Variants in NRG1 observed in about 807,000 individuals in gnomAD.
The protein encoded by NRG1 is pro-neuregulin-1, membrane-bound isoform.
NRG1 carries 18 observed loss-of-function variants against 63.8 expected under a neutral mutation model. That is an observed-to-expected ratio of 0.28 (90% CI 0.19 to 0.42). NRG1 has a LOEUF of 0.42. Among genes scored for constraint, NRG1 ranks in the 10% least tolerant of loss-of-function variants. NRG1 has a pLI of 1.00. For missense variants in NRG1, 762 were observed against 814.7 expected, an observed-to-expected ratio of 0.94 and a Z score of 0.79; for synonymous variants, 302 against 301.3, an observed-to-expected ratio of 1.00 and a Z score of -0.02.
chr8:32,087,271 T>G (rs1828366025), intron 1 of NRG1, among the ~76,000 whole-genome samples: 1 of 152,002 alleles, frequency 6.6e-6, no homozygotes, highest in South Asian at 2.1e-4. Context: ...AAGTTTTTGC[T>G]CTGAGTTCAT....
intron 1 of NRG1, among the ~76,000 whole-genome samples, chr8:31,808,608 G>T (rs1352838364): frequency 6.6e-6 from 1 of 151,676 alleles, no homozygotes; most frequent in Non-Finnish European, 1.5e-5. Context: ...TACAAAATTT[G>T]CTTCTTTTTA....
At chr8:31,753,090 A>G (rs1390396044) in intron 1 of NRG1, among the ~76,000 whole-genome samples, 1 of 152,080 alleles carries the variant, frequency 6.6e-6, no homozygotes, top group East Asian at 1.9e-4. Flanking sequence ...CTAGAAGATC[A>G]GGAAGATCCC....
chr8:31,703,541 T>G (rs1810835552), intron 1 of NRG1, among the ~76,000 whole-genome samples: 1 of 152,204 alleles, frequency 6.6e-6, no homozygotes, highest in South Asian at 2.1e-4. Flanking sequence ...TTCAAACAAT[T>G]TATTGGACAA....
intron 6 of NRG1, among the ~76,000 whole-genome samples, chr8:32,738,249 T>A (rs776339157): frequency 6.6e-6 from 1 of 151,986 alleles, no homozygotes. Flanking sequence ...AAGTGGGTGA[T>A]GGGGAGGTGG....
chr8:32,552,493 T>C (rs1344582638), intron 1 of NRG1, among the ~76,000 whole-genome samples: 6 of 152,094 alleles, frequency 3.9e-5, no homozygotes, highest in Admixed American at 3.9e-4. Context: ...AGGCTGTGTG[T>C]TTCCCCAATG....
intron 1 of NRG1, among the ~76,000 whole-genome samples, chr8:31,759,513 T>C (rs1006329297): frequency 6.6e-6 from 1 of 152,114 alleles, no homozygotes; most frequent in Admixed American, 6.6e-5. Context: ...TTAATTGCAC[T>C]GGTGCCTTTT....
intron 1 of NRG1, among the ~76,000 whole-genome samples, chr8:31,797,327 T>C (rs1201553123): frequency 2.0e-5 from 3 of 152,236 alleles, no homozygotes; most frequent in Non-Finnish European, 4.4e-5. Flanking sequence ...TGTGGATTTT[T>C]TTCTCTTGTT....
intron 1 of NRG1, among the ~76,000 whole-genome samples, chr8:32,550,437 C>T (rs1220224805): frequency 6.6e-6 from 1 of 152,104 alleles, no homozygotes; most frequent in Non-Finnish European, 1.5e-5. Context: ...TTTGGGGGCT[C>T]TTATCACTGT....
chr8:31,959,213 G>A (rs1051056090), intron 1 of NRG1, among the ~76,000 whole-genome samples: 2 of 152,146 alleles, frequency 1.3e-5, no homozygotes, highest in African/African-American at 2.4e-5. Flanking sequence ...GTCTTGAAAA[G>A]TTCTGTTGGC....
intron 1 of NRG1, among the ~76,000 whole-genome samples, chr8:31,651,379 A>G (rs1804822997): frequency 6.6e-6 from 1 of 152,276 alleles, no homozygotes; most frequent in African/African-American, 2.4e-5. Flanking sequence ...GCTAAAATGA[A>G]AAAATAAAGA....
intron 1 of NRG1, among the ~76,000 whole-genome samples, chr8:32,494,585 C>T (rs1222970236): frequency 1.3e-5 from 2 of 151,972 alleles, no homozygotes; most frequent in Non-Finnish European, 2.9e-5. Context: ...ATAAGAAGCC[C>T]AAATTACCAA....
rs145135441 is a variant in NRG1, at chr8:32,701,988, C to T, written c.503-25961C>T. Among the ~76,000 whole-genome samples the T allele has an allele frequency of 1.4e-3, 208 of 152,240 alleles. 1 individual carries two copies. Among genetic ancestry groups the T allele is most frequent in the African/African-American group, 4.8e-3 (198 of 41,550 alleles). On this transcript the variant is annotated intron_variant, in intron 5 of 11. Coordinates refer to ENST00000356819, the Ensembl canonical transcript of NRG1. ...TCAAAGTGCTAGGAATTGTATTTTC[C>T]CTTTTCCTAGTAATCAAGTATCCTT...
rs182199682 is a variant in NRG1, at chr8:32,608,878, G to A, written c.400+3195G>A. 8.7e-3 allele frequency among the ~76,000 whole-genome samples: 1,320 copies of A among 152,300 alleles called. 4 individuals are homozygous for A. The highest frequency in any genetic ancestry group is 0.037 in the Middle Eastern group (11 of 294). ...CATGGCAATTTCAGGCATTCTTTCA[G>A]CTTTAACCTCTACTGTATGATTGTT... On this transcript the variant is annotated intron_variant, in intron 3 of 11. Transcript: ENST00000356819.
chr8:32,447,674 G>A (rs1820435208), intron 1 of NRG1, among the ~76,000 whole-genome samples: 1 of 152,050 alleles, frequency 6.6e-6, no homozygotes, highest in Admixed American at 6.6e-5. Context: ...TTTGAGACCA[G>A]CATAGGCAAC....
At chr8:31,795,174 C>T (rs1304227268) in intron 1 of NRG1, among the ~76,000 whole-genome samples, 1 of 152,106 alleles carries the variant, frequency 6.6e-6, no homozygotes, top group Non-Finnish European at 1.5e-5. Context: ...TGCCCTAGAT[C>T]GAGGTGGGGA....
intron 5 of NRG1, among the ~76,000 whole-genome samples, chr8:32,640,164 T>A (rs1852065993): frequency 6.6e-6 from 1 of 152,068 alleles, no homozygotes; most frequent in East Asian, 1.9e-4. Flanking sequence ...CTCCAGTAAA[T>A]GTTAGAAATG....
intron 1 of NRG1, among the ~76,000 whole-genome samples, chr8:32,085,894 A>G (rs1423069044): frequency 6.6e-6 from 1 of 152,228 alleles, no homozygotes; most frequent in Non-Finnish European, 1.5e-5. Flanking sequence ...TGGATCACAC[A>G]GAGATAGACA....
At chr8:31,947,903 C>T (rs1219103973) in intron 1 of NRG1, among the ~76,000 whole-genome samples, 1 of 141,054 alleles carries the variant, frequency 7.1e-6, no homozygotes, top group Non-Finnish European at 1.5e-5. Flanking sequence ...CAAGATCATG[C>T]CACTGCGCTC....
intron 1 of NRG1, among the ~76,000 whole-genome samples, chr8:32,532,950 T>A (rs905546864): frequency 7.2e-5 from 11 of 152,158 alleles, no homozygotes; most frequent in Admixed American, 4.6e-4. Context: ...CTGGTTTTTT[T>A]AATATTCATG....
Sources: allele counts gnomAD v4.1 joint callset (sites outside exome capture counted in the v4.1 genomes callset), GRCh38; gene constraint gnomAD v4.1.1; transcripts MANE v1.5; gene names NCBI Gene and HGNC (gene_info 2026-07-23, HGNC 2026-07-21).